Variants in CCDC192 observed in about 807,000 individuals in gnomAD.
CCDC192 encodes the protein coiled-coil domain-containing protein 192.
chr5:127,878,389 A>AC (rs1317240145), intron 6 of CCDC192, among the ~76,000 whole-genome samples: 2 of 152,220 alleles, frequency 1.3e-5, no homozygotes, highest in Non-Finnish European at 2.9e-5. Context: ...AATGTGGGGA[A>AC]GGAGAATGCT....
intron 6 of CCDC192, among the ~76,000 whole-genome samples, chr5:127,888,699 T>C (rs1037702415): frequency 6.6e-6 from 1 of 152,314 alleles, no homozygotes; most frequent in South Asian, 2.1e-4. Context: ...ACTCCACAAA[T>C]CTAAGACACT....
chr5:127,862,261 G>C (rs1322435061), intron 5 of CCDC192, among the ~76,000 whole-genome samples: 1 of 152,146 alleles, frequency 6.6e-6, no homozygotes, highest in African/African-American at 2.4e-5. Flanking sequence ...AAAAATGGCA[G>C]GCATGTTACA....
chr5:127,729,401 C>T (rs1364230864), intron 2 of CCDC192, among the ~76,000 whole-genome samples: 2 of 152,190 alleles, frequency 1.3e-5, no homozygotes, highest in Non-Finnish European at 2.9e-5. Flanking sequence ...TAGACTCCTA[C>T]ACAATAATAG....
chr5:127,754,493 AT>A, intron 3 of CCDC192, 118 bp downstream of exon 3: 1 of 340,270 alleles, frequency 2.9e-6, no homozygotes, highest in Non-Finnish European at 5.1e-6. Flanking sequence ...ACACACACAC[AT>A]ACACACACAC....
intron 2 of CCDC192, among the ~76,000 whole-genome samples, chr5:127,709,202 GGAGAGAGAGAGAGAGAGA>G (rs201676720): frequency 7.0e-5 from 6 of 85,766 alleles, no homozygotes; most frequent in African/African-American, 9.6e-5. Flanking sequence ...GGAGAGAGGG[GGAGAGAGAGAGAGAGAGA>G]GAGAGAGAGA....
At chr5:127,751,571 G>A (rs1211368090) in intron 2 of CCDC192, among the ~76,000 whole-genome samples, 2 of 151,914 alleles carry the variant, frequency 1.3e-5, no homozygotes, top group South Asian at 2.1e-4. Flanking sequence ...TTCAACTTTG[G>A]TGAATCTGAC....
chr5:127,708,060 A>G (rs1035277496), intron 2 of CCDC192, among the ~76,000 whole-genome samples: 9 of 152,164 alleles, frequency 5.9e-5, no homozygotes, highest in African/African-American at 1.7e-4. Context: ...GCCCTACAAT[A>G]CTATAGACAT....
At chr5:127,764,424 TC>T (rs1755102030) in intron 3 of CCDC192, among the ~76,000 whole-genome samples, 1 of 152,206 alleles carries the variant, frequency 6.6e-6, no homozygotes, top group African/African-American at 2.4e-5. Context: ...ATCCCAAGTT[TC>T]AGGTGACTAC....
intron 6 of CCDC192, among the ~76,000 whole-genome samples, chr5:127,882,720 G>A (rs1580791544): frequency 6.6e-6 from 1 of 152,232 alleles, no homozygotes; most frequent in East Asian, 1.9e-4. Flanking sequence ...AAGTGCGTTG[G>A]GCCTAAATAA....
intron 6 of CCDC192, among the ~76,000 whole-genome samples, chr5:127,928,850 C>T (rs1753938255): frequency 6.6e-6 from 1 of 152,068 alleles, no homozygotes; most frequent in Admixed American, 6.5e-5. Flanking sequence ...ACTGCAACCT[C>T]TGCCTCCCAG....
intron 3 of CCDC192, among the ~76,000 whole-genome samples, chr5:127,757,792 ACACACACT>A (rs1260932171): frequency 7.2e-5 from 7 of 97,530 alleles, no homozygotes; most frequent in East Asian, 2.7e-4. Context: ...ACACACACAC[ACACACACT>A]CTCTCTCTCT....
chr5:127,780,097 ATATATC>A (rs760776162), intron 3 of CCDC192, among the ~76,000 whole-genome samples: 8 of 152,064 alleles, frequency 5.3e-5, no homozygotes, highest in Non-Finnish European at 1.2e-4. Context: ...ATTCCATCAT[ATATATC>A]TATATTTATC....
At chr5:127,731,310 G>A (rs1258083878) in intron 2 of CCDC192, among the ~76,000 whole-genome samples, 1 of 152,136 alleles carries the variant, frequency 6.6e-6, no homozygotes, top group Non-Finnish European at 1.5e-5. Flanking sequence ...GCTAACAAGG[G>A]GAGTGAAGGA....
chr5:127,918,953 A>G (rs564932078), intron 6 of CCDC192, among the ~76,000 whole-genome samples: 13,800 of 144,306 alleles, frequency 0.096, 2,061 homozygotes, highest in African/African-American at 0.34. Context: ...ATATGTGTAT[A>G]TATGTGTGTG....
At chr5:127,784,793 C>T in intron 3 of CCDC192, 1 of 484,156 alleles carries the variant, frequency 2.1e-6, no homozygotes, top group Non-Finnish European at 4.1e-6. Flanking sequence ...CTTCATGATT[C>T]TCATGATGGC....
chr5:127,756,803 G>A (rs560742104), intron 3 of CCDC192, among the ~76,000 whole-genome samples: 5 of 152,334 alleles, frequency 3.3e-5, no homozygotes, highest in African/African-American at 1.2e-4. Context: ...CCCAAAGTTA[G>A]TTCGGCCTAT....
At chr5:127,930,072 G>A (rs766682632) in intron 6 of CCDC192, among the ~76,000 whole-genome samples, 9 of 152,080 alleles carry the variant, frequency 5.9e-5, no homozygotes, top group African/African-American at 9.7e-5. Context: ...GTGTGGTGGC[G>A]CATGCCCATA....
chr5:127,783,970 G>T (rs1459023847), intron 3 of CCDC192, among the ~76,000 whole-genome samples: 1 of 152,026 alleles, frequency 6.6e-6, no homozygotes, highest in Non-Finnish European at 1.5e-5. Flanking sequence ...CATTTTTGGT[G>T]TCCATTCATA....
intron 5 of CCDC192, among the ~76,000 whole-genome samples, chr5:127,833,770 AAG>A (rs1466892550): frequency 6.6e-6 from 1 of 152,180 alleles, no homozygotes; most frequent in African/African-American, 2.4e-5. Flanking sequence ...GTGTTACAGT[AAG>A]CTGTATAAAA....
Sources: gnomAD v4.1 joint callset for allele counts (sites outside exome capture counted in the v4.1 genomes callset) on GRCh38, gnomAD v4.1.1 for gene constraint, MANE v1.5 for transcripts, NCBI Gene and HGNC (gene_info 2026-07-23, HGNC 2026-07-21) for gene names.